Variants in CHRNA3 observed in about 807,000 individuals in gnomAD.
CHRNA3 encodes cholinergic receptor nicotinic alpha 3 subunit, also known as neuronal acetylcholine receptor subunit alpha-3.
In CHRNA3, 34 loss-of-function variants were observed where a neutral mutation model predicts 41.9. The ratio of observed to expected loss-of-function variants is 0.81; its 90% CI spans 0.62 to 1.08. The LOEUF (loss-of-function observed/expected upper bound fraction) is 1.08. Among genes scored for constraint, CHRNA3 ranks in the 50% least tolerant of loss-of-function variants. The pLI, the probability that CHRNA3 is intolerant of heterozygous loss-of-function variation, is 0.00. For missense variants in CHRNA3, 542 were observed against 638.3 expected (o/e 0.85, Z 1.63); for synonymous variants, 281 against 265.2 (o/e 1.06, Z -0.58).
Position 78,602,283 on chromosome 15 carries a change from G to A in CHRNA3, c.378-19C>T, listed in dbSNP as rs2053217695. The A allele has an allele frequency of 6.2e-7, 1 of 1,607,770 alleles. No individual in the cohort carries two copies. The highest frequency in any genetic ancestry group is 1.3e-5 in the African/African-American group (1 of 74,840). On this transcript the variant is annotated intron_variant, in intron 4 of 5. Coordinates refer to ENST00000326828, the MANE Select transcript of CHRNA3 (RefSeq NM_000743.5). Reference sequence around the variant, plus strand: ...AACAGCACTGCAAAGACAAAGAGGGGGCACAGTGACACACGGTCATTAACA... The same window carrying A: ...AACAGCACTGCAAAGACAAAGAGGGAGCACAGTGACACACGGTCATTAACA...
chr15:78,619,527 GC>G (rs1449083240), intron 1 of CHRNA3, among the ~76,000 whole-genome samples: 2 of 151,986 alleles, frequency 1.3e-5, no homozygotes, highest in Non-Finnish European at 2.9e-5. Flanking sequence ...GGAGAACACA[GC>G]CCAGGTCTGG....
Position 78,601,546 on chromosome 15 carries a change from C to T in CHRNA3, c.1096G>A (p.Ala366Thr), listed in dbSNP as rs201696921. 2.0e-5 allele frequency: 33 copies of T among 1,614,150 alleles called. No homozygotes were observed. Among genetic ancestry groups the T allele is most frequent in the South Asian group, 1.3e-4 (12 of 91,072 alleles). ...MTRPTSNEGN[A>T]QKPRPLYGAE... ...CCGTAGAGGGGCCTCGGCTTCTGAG[C>T]GTTGCCCTCGTTGCTTGTTGGCCTG... The change falls in exon 5 of 6, where the codon GCT (alanine) becomes ACT (threonine). Residue 366 changes from alanine (A) to threonine (T), a missense_variant. Transcript: ENST00000326828.
At position 78,596,266 on chromosome 15, in the gene CHRNA3, A is replaced by G. The variant is rs56256191; in HGVS notation, c.*338T>C. The G allele has an allele frequency of 3.0e-4, 298 of 994,780 alleles. No individual in the cohort carries two copies. Among genetic ancestry groups the G allele is most frequent in the Middle Eastern group, 5.1e-4 (1 of 1,956 alleles). The allele number at this position is 994,780 out of a possible 1,614,324, so 61.6% of individuals were successfully genotyped here. A position where few individuals can be genotyped will look rare whatever the true frequency, so the allele number is the denominator to read the frequency against. On this transcript the variant is annotated 3_prime_UTR_variant, in exon 6 of 6. Coordinates refer to ENST00000326828, the MANE Select transcript of CHRNA3 (RefSeq NM_000743.5). ...TAGTGATAACTGAATGACTTTTCAT[A>G]TTTCTGAACAGCATTTTTCTATCCA...
intron 4 of CHRNA3, among the ~76,000 whole-genome samples, chr15:78,609,578 G>A (rs1001901519): frequency 6.6e-6 from 1 of 152,096 alleles, no homozygotes; most frequent in African/African-American, 2.4e-5. Flanking sequence ...CCTGAAGGAA[G>A]CGCTAAACAT....
chr15:78,620,531 GA>G (rs2053533353), intron 1 of CHRNA3, among the ~76,000 whole-genome samples, 181 bp downstream of exon 1: 1 of 152,214 alleles, frequency 6.6e-6, no homozygotes, highest in South Asian at 2.1e-4. Context: ...AGCCGAAAGG[GA>G]AAAAGCCACC....
chr15:78,610,856 CAAAT>C (rs2053369291), intron 4 of CHRNA3, among the ~76,000 whole-genome samples: 1 of 152,048 alleles, frequency 6.6e-6, no homozygotes, highest in Non-Finnish European at 1.5e-5. Context: ...AAAGAAGAAT[CAAAT>C]AGATGCAATA....
chr15:78,615,671 A>AAT (rs1478214507), intron 4 of CHRNA3, among the ~76,000 whole-genome samples: 1 of 151,956 alleles, frequency 6.6e-6, no homozygotes, highest in East Asian at 1.9e-4. Context: ...TGGATAACGT[A>AAT]ATACATATTA....
rs1258621472 is a variant in CHRNA3 at position 78,596,018 on chromosome 15, C to CAGTT, written c.*582_*585dup. Reference sequence around the variant, plus strand: ...CCACCCAGTTTATGGTGTACTAAGACAGTTATATTAACAATGAATAACTAG... The same window carrying CAGTT: ...CCACCCAGTTTATGGTGTACTAAGACAGTTAGTTATATTAACAATGAATAACTAG... On this transcript the variant is annotated 3_prime_UTR_variant, in exon 6 of 6. Transcript: ENST00000326828. 10 of 950,708 alleles carry CAGTT rather than the reference C, an allele frequency of 1.1e-5. No individual in the cohort carries two copies. In the East Asian group the frequency reaches 5.8e-4, roughly 55 times the overall value. The allele number at this position is 950,708 out of a possible 1,614,324, so 58.9% of individuals were successfully genotyped here.
chr15:78,606,532 G>T (rs2053290611), intron 4 of CHRNA3, among the ~76,000 whole-genome samples: 1 of 152,012 alleles, frequency 6.6e-6, no homozygotes, highest in South Asian at 2.1e-4. Flanking sequence ...TTGGTTAAAT[G>T]AAAGAATGTA....
intron 3 of CHRNA3, among the ~76,000 whole-genome samples, chr15:78,617,901 G>A (rs954386108): frequency 2.0e-5 from 3 of 152,184 alleles, no homozygotes; most frequent in South Asian, 2.1e-4. Context: ...ATCTGAACAG[G>A]AAAATCTACT....
chr15:78,599,238 A>T (rs1207517805), intron 5 of CHRNA3, among the ~76,000 whole-genome samples: 7 of 152,142 alleles, frequency 4.6e-5, no homozygotes, highest in Non-Finnish European at 1.0e-4. Flanking sequence ...TTGGCCTCCC[A>T]AAGTGTTGGA....
In CHRNA3 at chr15:78,595,380, A is replaced by G; in HGVS notation, c.*1224T>C. The G allele has an allele frequency of 6.1e-6, 6 of 983,896 alleles. No homozygotes were observed. The highest frequency in any genetic ancestry group is 7.2e-6 in the Non-Finnish European group (6 of 828,926). 60.9% of individuals were successfully genotyped at this position (983,896 alleles called of 1,614,324 possible). ...AAGATTCAAACAGTCTCTGTGAATC[A>G]TCTGTCAGTGGTGATGATCACGTTA... On this transcript the variant is annotated 3_prime_UTR_variant, in exon 6 of 6. Transcript: ENST00000326828.
At position 78,620,911 on chromosome 15, in the gene CHRNA3, G is replaced by A. The variant is rs922584617; in HGVS notation, c.-117C>T. 6.3e-5 allele frequency: 76 copies of A among 1,212,942 alleles called. No individual in the cohort carries two copies. In the African/African-American group the frequency reaches 8.4e-4, roughly 13 times the overall value. 75.1% of individuals were successfully genotyped at this position (1,212,942 alleles called of 1,614,324 possible). A position where few individuals can be genotyped will look rare whatever the true frequency, so the allele number is the denominator to read the frequency against. On this transcript the variant is annotated 5_prime_UTR_variant, in exon 1 of 6. Coordinates refer to ENST00000326828, the MANE Select transcript of CHRNA3 (RefSeq NM_000743.5). Reference sequence around the variant, plus strand: ...ACCCCAGACCTGGAGCCGTGCGGGCGGAGACGCGCGGGGCTCCTCTCCGCT... The same window carrying A: ...ACCCCAGACCTGGAGCCGTGCGGGCAGAGACGCGCGGGGCTCCTCTCCGCT...
rs748492604 is a variant in CHRNA3 at position 78,600,124 on chromosome 15, C to T, written c.1389+1129G>A. 7.9e-5 allele frequency: 12 copies of T among 152,008 alleles called. 1 individual carries two copies. Among genetic ancestry groups the T allele is most frequent in the Admixed American group, 2.6e-4 (4 of 15,248 alleles). 9.4% of individuals were successfully genotyped at this position (152,008 alleles called of 1,614,324 possible). A position where few individuals can be genotyped will look rare whatever the true frequency, so the allele number is the denominator to read the frequency against. ...AAAGAAAGGACTTCACTCTGTTACC[C>T]AGGCTGGAGTGCAGTGGCATGATCA... On this transcript the variant is annotated intron_variant, in intron 5 of 5. Coordinates refer to ENST00000326828, the MANE Select transcript of CHRNA3 (RefSeq NM_000743.5).
intron 4 of CHRNA3, among the ~76,000 whole-genome samples, chr15:78,613,209 C>A (rs2053407271): frequency 6.6e-6 from 1 of 152,134 alleles, no homozygotes; most frequent in South Asian, 2.1e-4. Context: ...ACCCAGCCAT[C>A]CCATTACTGG....
At chr15:78,601,051 T>C (rs142438107) in intron 5 of CHRNA3, among the ~76,000 whole-genome samples, 1 of 152,012 alleles carries the variant, frequency 6.6e-6, no homozygotes, top group Non-Finnish European at 1.5e-5. Context: ...CATACCAAGC[T>C]TTATCATCCC....
intron 5 of CHRNA3, among the ~76,000 whole-genome samples, chr15:78,600,229 C>T (rs1303221042): frequency 1.3e-5 from 2 of 152,208 alleles, no homozygotes; most frequent in Admixed American, 6.5e-5. Flanking sequence ...CACGTGCCAC[C>T]ACGCCTGGCT....
Position 78,596,421 on chromosome 15 carries a change from G to T in CHRNA3, c.*183C>A. On this transcript the variant is annotated 3_prime_UTR_variant, in exon 6 of 6. Transcript: ENST00000326828. The stretch of plus-strand genomic sequence containing the variant: ...AAGGCTAGTTAAATGTTCATTTATC[G>T]GTAATAAATACTCTTGACATTTTTT... The T allele has an allele frequency of 1.6e-6, 2 of 1,255,210 alleles. No individual in the cohort carries two copies. The highest frequency in any genetic ancestry group is 2.9e-5 in the South Asian group (1 of 34,188). 77.8% of individuals were successfully genotyped at this position (1,255,210 alleles called of 1,614,324 possible).
At chr15:78,594,699 A>G (rs887240276), downstream of CHRNA3, 3 of 152,198 alleles carry the variant, frequency 2.0e-5, no homozygotes, top group Non-Finnish European at 4.4e-5. Context: ...GGTCTAAATC[A>G]TTCTGTGAGA....
Sources: allele counts gnomAD v4.1 joint callset (sites outside exome capture counted in the v4.1 genomes callset), GRCh38; gene constraint gnomAD v4.1.1; transcripts MANE v1.5; gene names NCBI Gene and HGNC (gene_info 2026-07-23, HGNC 2026-07-21).